Variants in ASB15 observed in about 807,000 individuals in gnomAD.
The protein encoded by ASB15 is ankyrin repeat and SOCS box protein 15.
Under a neutral mutation model 58.0 loss-of-function variants are expected in ASB15, and 54 were observed. The observed-to-expected ratio is 0.93, with a 90% CI of 0.75 to 1.17. The LOEUF (loss-of-function observed/expected upper bound fraction) is 1.17, where lower values mean the gene tolerates loss of function less well. ASB15 is among the 50% of genes most tolerant of loss of function. ASB15 has a pLI of 0.00. For missense variants in ASB15, 680 were observed against 707.4 expected (o/e 0.96, Z 0.44); for synonymous variants, 249 against 262.4 (o/e 0.95, Z 0.50).
intron 3 of ASB15, among the ~76,000 whole-genome samples, chr7:123,612,023 T>C (rs1332104748): frequency 2.0e-5 from 3 of 152,130 alleles, no homozygotes; most frequent in Admixed American, 6.5e-5. Context: ...CAGTTCTTTA[T>C]GGAGCCTGTG....
At chr7:123,603,599 C>T (rs1799993159) in intron 1 of ASB15, among the ~76,000 whole-genome samples, 1 of 152,088 alleles carries the variant, frequency 6.6e-6, no homozygotes, top group African/African-American at 2.4e-5. Flanking sequence ...AATTTCTTTT[C>T]AACATTTATC....
chr7:123,596,718 G>T (rs1799705595), intron 1 of ASB15, among the ~76,000 whole-genome samples: 1 of 152,134 alleles, frequency 6.6e-6, no homozygotes, highest in African/African-American at 2.4e-5. Flanking sequence ...TTCTTCTATA[G>T]TATGTACTGT....
chr7:123,616,482 G>A lies in ASB15; in HGVS notation c.279G>A (p.Glu93=), dbSNP rs750289666. The change falls in exon 6 of 12, where the codon GAG becomes GAA. Residue 93 remains glutamate (E), a synonymous_variant. Transcript: ENST00000451215. The stretch of plus-strand genomic sequence containing the variant: ...TTCAACCCATTCAACAAATACTTGA[G>A]ATTGTTCTGGATGGTAAGAGAACAT... ...AVVQPIQQIL[E]IVLDASYKTL... 4.3e-6 allele frequency: 7 copies of A among 1,612,122 alleles called. No homozygotes were observed. In the Admixed American group the frequency reaches 6.7e-5, roughly 15 times the overall value.
intron 1 of ASB15, among the ~76,000 whole-genome samples, chr7:123,589,896 C>G (rs978058208): frequency 6.6e-6 from 1 of 152,190 alleles, no homozygotes; most frequent in African/African-American, 2.4e-5. Flanking sequence ...AATCGCCACG[C>G]TGTCTTCCAC....
chr7:123,603,198 C>T (rs556162111), intron 1 of ASB15, among the ~76,000 whole-genome samples: 2 of 152,230 alleles, frequency 1.3e-5, no homozygotes, highest in East Asian at 1.9e-4. Context: ...TATTTAAAGG[C>T]AGAAAACTCT....
intron 4 of ASB15, chr7:123,615,509 G>C (rs1011681761): frequency 6.6e-6 from 1 of 152,106 alleles, no homozygotes; most frequent in Non-Finnish European, 1.5e-5. Context: ...CACAACCCTG[G>C]TATGCTAGCA....
chr7:123,604,481 C>A (rs1274917538), intron 2 of ASB15, among the ~76,000 whole-genome samples: 5 of 151,634 alleles, frequency 3.3e-5, no homozygotes, highest in African/African-American at 1.2e-4. Flanking sequence ...ACTCGGGAGG[C>A]TGGGGCAGGA....
Position 123,628,974 on chromosome 7 carries a change from T to C in ASB15, c.980T>C (p.Leu327Pro), listed in dbSNP as rs1310495044. 3.1e-6 allele frequency: 5 copies of C among 1,612,786 alleles called. No individual in the cohort carries two copies. Among genetic ancestry groups the C allele is most frequent in the Non-Finnish European group, 8.5e-7 (1 of 1,178,914 alleles). ...DGQNAQCLEL[L>P]IENGFDVNTL... ...CAAAATGCACAGTGTCTAGAACTGC[T>C]CATTGAAAATGGTTTTGATGTCAAC... Residue 327 changes from leucine (L) to proline (P), a missense_variant, in exon 10 of 12, where the codon CTC (leucine) becomes CCC (proline). Transcript: ENST00000451215.
intron 3 of ASB15, chr7:123,609,199 TA>T (rs34744695): frequency 0.21 from 32,436 of 151,912 alleles, 3,671 homozygotes; most frequent in East Asian, 0.4. Flanking sequence ...TGGCCTTGGA[TA>T]AAATTGTAAA....
intron 11 of ASB15, among the ~76,000 whole-genome samples, chr7:123,633,282 G>T (rs1287405434): frequency 6.6e-6 from 1 of 151,854 alleles, no homozygotes. Context: ...ATTTATTTTT[G>T]AATATTAGTA....
At chr7:123,577,266 A>G (rs1305827304) in intron 1 of ASB15, among the ~76,000 whole-genome samples, 1 of 152,174 alleles carries the variant, frequency 6.6e-6, no homozygotes, top group Non-Finnish European at 1.5e-5. Flanking sequence ...TTATTACAAA[A>G]ATAATAATTG....
At chr7:123,572,987 A>G (rs1489521074) in intron 1 of ASB15, among the ~76,000 whole-genome samples, 2 of 152,028 alleles carry the variant, frequency 1.3e-5, no homozygotes, top group East Asian at 3.9e-4. Context: ...TGACCTATCA[A>G]ATTTTAACAA....
chr7:123,628,772 C>A (rs1355903466), intron 9 of ASB15, 92 bp from the exon 10 acceptor site: 10 of 823,118 alleles, frequency 1.2e-5, no homozygotes, highest in Middle Eastern at 2.9e-4. Flanking sequence ...GGAAACTATA[C>A]AACTTGCATT....
Position 123,617,716 on chromosome 7 carries a change from GGA to G in ASB15, c.435_436del (p.Glu145AspfsTer13). On this transcript the variant is annotated frameshift_variant, in exon 7 of 12. Coordinates refer to ENST00000451215, the MANE Select transcript of ASB15 (RefSeq NM_001290258.2). LOFTEE classifies it high-confidence loss of function. The part of the protein sequence containing the change: ...GVWPNTKNDK[G>X]ETPLLIAVKK... The stretch of plus-strand genomic sequence containing the variant: ...GTGGCCCAACACAAAAAATGATAAA[GGA>G]GAGACCCCCCTTCTGATTGGTAAAT... The G allele has an allele frequency of 6.2e-7, 1 of 1,612,260 alleles. No homozygotes were observed. The highest frequency in any genetic ancestry group is 8.5e-7 in the Non-Finnish European group (1 of 1,178,640).
chr7:123,567,604 C>T (rs77839338), intron 1 of ASB15, among the ~76,000 whole-genome samples: 1,556 of 152,202 alleles, frequency 0.01, 28 homozygotes, highest in African/African-American at 0.035. Flanking sequence ...GATTCTGGAG[C>T]GCTCCTCCAC....
Position 123,637,038 on chromosome 7 carries a change from A to T in ASB15, c.*57A>T. ...TGTTGAAATGTGATTCCCTCAGATA[A>T]TTTCTTGTAACCATTTTACATCCTT... is the stretch of plus-strand genomic sequence containing the variant. On this transcript the variant is annotated 3_prime_UTR_variant, in exon 12 of 12. Transcript: ENST00000451215. 8.1e-7 allele frequency: 1 copy of T among 1,227,570 alleles called. No homozygotes were observed. The highest frequency in any genetic ancestry group is 1.1e-6 in the Non-Finnish European group (1 of 874,678). 76.0% of individuals were successfully genotyped at this position (1,227,570 alleles called of 1,614,324 possible). A position where few individuals can be genotyped will look rare whatever the true frequency, so the allele number is the denominator to read the frequency against.
intron 3 of ASB15, 40 bp from the exon 4 acceptor site, chr7:123,614,461 C>T: frequency 7.7e-7 from 1 of 1,296,794 alleles, no homozygotes; most frequent in Non-Finnish European, 1.1e-6. Flanking sequence ...TGGGCCATTT[C>T]TTGATAATAA....
At chr7:123,600,106 T>C (rs1236879851), upstream of ASB15, among the ~76,000 whole-genome samples, 1 of 152,198 alleles carries the variant, frequency 6.6e-6, no homozygotes, top group African/African-American at 2.4e-5. Context: ...CTCATTAAAA[T>C]GGTGGTGCCA....
At chr7:123,567,356 T>C (rs1798791243) in intron 1 of ASB15, among the ~76,000 whole-genome samples, 1 of 152,186 alleles carries the variant, frequency 6.6e-6, no homozygotes. Flanking sequence ...TGGGAAGTTC[T>C]GTAAATAAGG....
Sources: allele counts gnomAD v4.1 joint callset (sites outside exome capture counted in the v4.1 genomes callset), GRCh38; gene constraint gnomAD v4.1.1; transcripts MANE v1.5; gene names NCBI Gene and HGNC (gene_info 2026-07-23, HGNC 2026-07-21).